The following CCDC85C variants were observed in gnomAD, a reference collection of about 807,000 sequenced individuals.
CCDC85C encodes coiled-coil domain containing 85C, also known as coiled-coil domain-containing protein 85C.
CCDC85C carries 18 observed loss-of-function variants against 38.3 expected under a neutral mutation model. The ratio of observed to expected loss-of-function variants is 0.47; its 90% CI spans 0.33 to 0.70. The LOEUF is 0.70. Ranked by LOEUF, CCDC85C falls within the 30% of genes least tolerant of loss-of-function variation. The pLI, the probability that CCDC85C is intolerant of heterozygous loss-of-function variation, is 0.03. For missense variants in CCDC85C, 566 were observed against 621.2 expected (o/e 0.91, Z 0.94); for synonymous variants, 264 against 293.8 (o/e 0.90, Z 1.04).
At chr14:99,557,732 T>A (rs930879354) in intron 1 of CCDC85C, among the ~76,000 whole-genome samples, 4 of 152,134 alleles carry the variant, frequency 2.6e-5, no homozygotes, top group Non-Finnish European at 5.9e-5. Flanking sequence ...CTGGCCAACA[T>A]GGTGAAACCC....
intron 1 of CCDC85C, among the ~76,000 whole-genome samples, chr14:99,561,423 G>A (rs898549865): frequency 6.6e-6 from 1 of 152,166 alleles, no homozygotes; most frequent in Non-Finnish European, 1.5e-5. Flanking sequence ...GTGGGGCCTG[G>A]GCACCTGCCC....
intron 1 of CCDC85C, among the ~76,000 whole-genome samples, chr14:99,568,683 G>A (rs552422171): frequency 5.9e-5 from 9 of 152,330 alleles, no homozygotes; most frequent in East Asian, 1.9e-4. Flanking sequence ...GGCCTCGCTC[G>A]GGGCAGGAGG....
chr14:99,570,921 A>T (rs1441403691), intron 1 of CCDC85C, among the ~76,000 whole-genome samples: 1 of 152,092 alleles, frequency 6.6e-6, no homozygotes, highest in Non-Finnish European at 1.5e-5. Flanking sequence ...CCCTCCCAGT[A>T]GGCGGGGGAA....
intron 1 of CCDC85C, among the ~76,000 whole-genome samples, chr14:99,580,326 A>T (rs781392971): frequency 9.2e-5 from 14 of 151,668 alleles, no homozygotes; most frequent in Non-Finnish European, 1.5e-5. Context: ...AGCCCAGCCC[A>T]GACAGAAGAG....
In CCDC85C at chr14:99,517,071, C is replaced by T. The variant is rs1023236480; in HGVS notation, c.1071+17G>A. The stretch of plus-strand genomic sequence containing the variant: ...CAGCATCTGAGGACTTCTGAGGGAG[C>T]GGGTAGTGGCCCTCACCTTCATGGC... On this transcript the variant is annotated intron_variant, in intron 4 of 5. Transcript: ENST00000380243. 9.7e-6 allele frequency: 15 copies of T among 1,547,910 alleles called. No individual in the cohort carries two copies. Among genetic ancestry groups the T allele is most frequent in the Admixed American group, 5.9e-5 (3 of 50,980 alleles).
intron 1 of CCDC85C, among the ~76,000 whole-genome samples, chr14:99,563,545 C>T (rs974535805): frequency 2.6e-5 from 4 of 152,248 alleles, no homozygotes; most frequent in Admixed American, 6.5e-5. Context: ...AAGGGGGAGC[C>T]GGCAGAAGCA....
chr14:99,581,157 A>G (rs966295283), intron 1 of CCDC85C, among the ~76,000 whole-genome samples: 1 of 152,156 alleles, frequency 6.6e-6, no homozygotes, highest in Non-Finnish European at 1.5e-5. Flanking sequence ...CACCATCAGC[A>G]CTGGAGAAGG....
intron 1 of CCDC85C, among the ~76,000 whole-genome samples, chr14:99,601,258 G>A (rs535899546): frequency 6.6e-6 from 1 of 152,334 alleles, no homozygotes; most frequent in African/African-American, 2.4e-5. Context: ...CAGCAGTCCT[G>A]TGCTAAGTGG....
intron 1 of CCDC85C, among the ~76,000 whole-genome samples, chr14:99,574,988 G>A (rs1898441511): frequency 6.6e-6 from 1 of 152,214 alleles, no homozygotes; most frequent in Non-Finnish European, 1.5e-5. Flanking sequence ...AGGTCACAGG[G>A]CAAATGCCTT....
chr14:99,502,517 T>A lies in CCDC85C; in HGVS notation c.*12729A>T. The stretch of plus-strand genomic sequence containing the variant: ...CAGAAGCATCATTAATTAAATTATC[T>A]AATAGTTTCCACTTTGTCCAAACAC... On this transcript the variant is annotated 3_prime_UTR_variant, in exon 6 of 6. Transcript: ENST00000380243. 7.3e-7 allele frequency: 1 copy of A among 1,361,950 alleles called. No individual in the cohort carries two copies. The highest frequency in any genetic ancestry group is 1.5e-5 in the African/African-American group (1 of 68,246). 84.4% of individuals were successfully genotyped at this position (1,361,950 alleles called of 1,614,324 possible). A position where few individuals can be genotyped will look rare whatever the true frequency, so the allele number is the denominator to read the frequency against.
At position 99,503,069 on chromosome 14, in the gene CCDC85C, C is replaced by A; in HGVS notation, c.*12177G>T. The A allele has an allele frequency of 7.0e-7, 1 of 1,429,094 alleles. No individual in the cohort carries two copies. Among genetic ancestry groups the A allele is most frequent in the Non-Finnish European group, 9.9e-7 (1 of 1,013,214 alleles). 88.5% of individuals were successfully genotyped at this position (1,429,094 alleles called of 1,614,324 possible). A position where few individuals can be genotyped will look rare whatever the true frequency, so the allele number is the denominator to read the frequency against. Reference sequence around the variant, plus strand: ...AGCACTGTTCCCATTTCTAAGCGAGCACAGGGAACACCGGAAGCAGGGGGT... The same window carrying A: ...AGCACTGTTCCCATTTCTAAGCGAGAACAGGGAACACCGGAAGCAGGGGGT... On this transcript the variant is annotated 3_prime_UTR_variant, in exon 6 of 6. Transcript: ENST00000380243.
At chr14:99,521,937 C>T (rs994556070) in intron 3 of CCDC85C, among the ~76,000 whole-genome samples, 196 bp downstream of exon 3, 2 of 152,236 alleles carry the variant, frequency 1.3e-5, no homozygotes, top group Non-Finnish European at 2.9e-5. Flanking sequence ...GGAGACTGCC[C>T]CGCACCTCCA....
chr14:99,541,695 G>A (rs146129229), intron 1 of CCDC85C, among the ~76,000 whole-genome samples: 146 of 152,340 alleles, frequency 9.6e-4, no homozygotes, highest in African/African-American at 3.1e-3. Flanking sequence ...CTCCTGGGCA[G>A]AGCTGCAGGT....
intron 1 of CCDC85C, among the ~76,000 whole-genome samples, chr14:99,573,866 C>A (rs1179294045): frequency 6.6e-6 from 1 of 152,168 alleles, no homozygotes; most frequent in African/African-American, 2.4e-5. Flanking sequence ...TCTTCTGGGC[C>A]GCCGAGCACT....
At chr14:99,583,459 G>T (rs769170605) in intron 1 of CCDC85C, among the ~76,000 whole-genome samples, 1 of 142,678 alleles carries the variant, frequency 7.0e-6, no homozygotes, top group Non-Finnish European at 1.5e-5. Flanking sequence ...AGCCAAGATC[G>T]CATGATCGCA....
intron 1 of CCDC85C, among the ~76,000 whole-genome samples, chr14:99,601,552 C>T (rs184259764): frequency 6.6e-6 from 1 of 152,316 alleles, no homozygotes; most frequent in African/African-American, 2.4e-5. Flanking sequence ...TTTCACTTTC[C>T]AGCCACGAGA....
At chr14:99,555,739 G>A (rs757465147) in intron 1 of CCDC85C, among the ~76,000 whole-genome samples, 1 of 152,210 alleles carries the variant, frequency 6.6e-6, no homozygotes. Context: ...GCTGAGACAA[G>A]TGCGTGTCTG....
chr14:99,595,916 G>C (rs2055138015), intron 1 of CCDC85C, among the ~76,000 whole-genome samples: 1 of 152,232 alleles, frequency 6.6e-6, no homozygotes, highest in South Asian at 2.1e-4. Flanking sequence ...GCACACGTTT[G>C]TTCCATCCAA....
intron 2 of CCDC85C, among the ~76,000 whole-genome samples, chr14:99,534,316 A>C (rs1451661420): frequency 6.6e-6 from 1 of 151,932 alleles, no homozygotes; most frequent in Non-Finnish European, 1.5e-5. Flanking sequence ...AGATCACGCC[A>C]TTGTAATCCA....
Sources: gnomAD v4.1 joint callset for allele counts (sites outside exome capture counted in the v4.1 genomes callset) on GRCh38, gnomAD v4.1.1 for gene constraint, MANE v1.5 for transcripts, NCBI Gene and HGNC (gene_info 2026-07-23, HGNC 2026-07-21) for gene names.